Variants in CA10 observed in about 807,000 individuals in gnomAD.
CA10 encodes the protein carbonic anhydrase-related protein 10.
A neutral mutation model predicts 44.2 loss-of-function variants in CA10; 14 were observed. That is an observed-to-expected ratio of 0.32 (90% CI 0.21 to 0.50). The LOEUF (loss-of-function observed/expected upper bound fraction) is 0.50. Among genes scored for constraint, CA10 ranks in the 20% least tolerant of loss-of-function variants. The pLI, the probability that CA10 is intolerant of heterozygous loss-of-function variation, is 0.99. For synonymous variants in CA10, 159 were observed against 141.6 expected (o/e 1.12, Z -0.87); for missense variants, 350 against 409.7 (o/e 0.85, Z 1.26).
intron 3 of CA10, among the ~76,000 whole-genome samples, chr17:51,795,914 A>C (rs1906686652): frequency 6.6e-6 from 1 of 152,214 alleles, no homozygotes. Flanking sequence ...GGTAGATTGA[A>C]GTGAGAGAGA....
intron 1 of CA10, among the ~76,000 whole-genome samples, chr17:52,114,827 ACTAC>A (rs1988857416): frequency 6.6e-6 from 1 of 152,202 alleles, no homozygotes; most frequent in Admixed American, 6.5e-5. Flanking sequence ...CTGGCTCCAG[ACTAC>A]CTGTGTTTCT....
chr17:51,676,794 G>A (rs906631119), intron 4 of CA10, among the ~76,000 whole-genome samples: 1 of 152,118 alleles, frequency 6.6e-6, no homozygotes, highest in African/African-American at 2.4e-5. Context: ...GAGTCACCTC[G>A]GTTCCATATC....
At chr17:51,806,838 T>C (rs948840088) in intron 3 of CA10, among the ~76,000 whole-genome samples, 1 of 152,176 alleles carries the variant, frequency 6.6e-6, no homozygotes, top group Non-Finnish European at 1.5e-5. Context: ...ATTGGGGAAA[T>C]TGTTGCTGAG....
intron 3 of CA10, among the ~76,000 whole-genome samples, chr17:51,776,917 G>A (rs1405698140): frequency 6.6e-6 from 1 of 152,110 alleles, no homozygotes; most frequent in Non-Finnish European, 1.5e-5. Flanking sequence ...GGCACTCCAG[G>A]CCTGCCTGCG....
intron 1 of CA10, among the ~76,000 whole-genome samples, chr17:52,105,719 C>T (rs1007535703): frequency 2.0e-5 from 3 of 152,158 alleles, no homozygotes; most frequent in African/African-American, 7.2e-5. Flanking sequence ...CTAAGTGATA[C>T]CTTATTAACA....
intron 2 of CA10, among the ~76,000 whole-genome samples, chr17:51,936,558 G>A (rs551558707): frequency 6.6e-6 from 1 of 152,280 alleles, no homozygotes; most frequent in South Asian, 2.1e-4. Flanking sequence ...GGAACAGAGA[G>A]GAAGTCAGTC....
At chr17:52,065,819 C>T (rs556888908) in intron 2 of CA10, among the ~76,000 whole-genome samples, 1 of 152,272 alleles carries the variant, frequency 6.6e-6, no homozygotes. Context: ...GGCTGTGCCC[C>T]CAGCCAAATC....
intron 2 of CA10, among the ~76,000 whole-genome samples, chr17:52,041,497 A>G (rs1478310831): frequency 6.6e-6 from 1 of 152,144 alleles, no homozygotes; most frequent in African/African-American, 2.4e-5. Flanking sequence ...CAACATGATG[A>G]TTTGATACAG....
chr17:52,068,520 C>G (rs1180553665), intron 2 of CA10, among the ~76,000 whole-genome samples: 2 of 152,212 alleles, frequency 1.3e-5, no homozygotes, highest in Non-Finnish European at 2.9e-5. Flanking sequence ...ACTTTGAGTA[C>G]TCCTGAACCT....
intron 1 of CA10, among the ~76,000 whole-genome samples, chr17:52,073,934 C>T (rs1340809846): frequency 2.0e-5 from 3 of 152,080 alleles, no homozygotes; most frequent in African/African-American, 7.2e-5. Flanking sequence ...GTCTTTAGAC[C>T]CGACCAAGCC....
At chr17:51,713,160 AGAT>A (rs1915997661) in intron 4 of CA10, among the ~76,000 whole-genome samples, 1 of 152,210 alleles carries the variant, frequency 6.6e-6, no homozygotes. Flanking sequence ...CCTACTTTAG[AGAT>A]GTGGAAGGAT....
chr17:51,941,732 G>C (rs1318513826), intron 2 of CA10, among the ~76,000 whole-genome samples: 1 of 152,048 alleles, frequency 6.6e-6, no homozygotes, highest in African/African-American at 2.4e-5. Context: ...AAAATAATAT[G>C]ACCACTGAAA....
chr17:52,130,370 C>G (rs751532817), intron 1 of CA10, among the ~76,000 whole-genome samples: 1 of 152,176 alleles, frequency 6.6e-6, no homozygotes, highest in Non-Finnish European at 1.5e-5. Context: ...TACTGCAGCA[C>G]TGTTCACAGT....
At chr17:52,071,154 C>T (rs1007441382) in intron 2 of CA10, among the ~76,000 whole-genome samples, 1 of 152,192 alleles carries the variant, frequency 6.6e-6, no homozygotes, top group African/African-American at 2.4e-5. Context: ...CATTAGAAAC[C>T]TGGTCATTTC....
intron 3 of CA10, among the ~76,000 whole-genome samples, chr17:51,882,677 T>C (rs2143890822): frequency 6.6e-6 from 1 of 152,170 alleles, no homozygotes; most frequent in South Asian, 2.1e-4. Flanking sequence ...CAGCTGTGAG[T>C]GTGGCTCTCT....
At chr17:51,984,321 A>G (rs1214096253) in intron 2 of CA10, among the ~76,000 whole-genome samples, 1 of 151,904 alleles carries the variant, frequency 6.6e-6, no homozygotes, top group African/African-American at 2.4e-5. Flanking sequence ...AAAAATAATG[A>G]CACAACCTAC....
chr17:51,707,671 ATG>A lies in CA10; in HGVS notation c.465+39960_465+39961del, dbSNP rs3031847. ...GTGCAGGGAAGGAAAGTGGATGAAT[ATG>A]TGTGTGTGTGTGTGTGTGTGTGTGT... On this transcript the variant is annotated intron_variant, in intron 4 of 8. Coordinates refer to ENST00000451037, the MANE Select transcript of CA10 (RefSeq NM_020178.5). 9.8e-3 allele frequency among the ~76,000 whole-genome samples: 1,400 copies of A among 142,960 alleles called. 10 individuals are homozygous for A. The highest frequency in any genetic ancestry group is 0.018 in the African/African-American group (676 of 38,384). The allele number at this position is 142,960 out of a possible 152,430, so 93.8% of individuals were successfully genotyped here. A position where few individuals can be genotyped will look rare whatever the true frequency, so the allele number is the denominator to read the frequency against.
intron 2 of CA10, among the ~76,000 whole-genome samples, chr17:51,977,445 A>G (rs1289207937): frequency 6.6e-6 from 1 of 152,068 alleles, no homozygotes; most frequent in Admixed American, 6.5e-5. Flanking sequence ...AAAAAAGCAT[A>G]TAATCATTTA....
intron 2 of CA10, among the ~76,000 whole-genome samples, chr17:51,964,371 A>G (rs975009045): frequency 6.6e-6 from 1 of 151,866 alleles, no homozygotes; most frequent in Non-Finnish European, 1.5e-5. Flanking sequence ...AGAAAACTAA[A>G]AGAAATTCTG....
Sources: allele counts gnomAD v4.1 joint callset (sites outside exome capture counted in the v4.1 genomes callset), GRCh38; gene constraint gnomAD v4.1.1; transcripts MANE v1.5; gene names NCBI Gene and HGNC (gene_info 2026-07-23, HGNC 2026-07-21).